The following VPS13C variants were observed in gnomAD, a reference collection of about 807,000 sequenced individuals.
VPS13C encodes intermembrane lipid transfer protein VPS13C.
Under a neutral mutation model 456.8 loss-of-function variants are expected in VPS13C, and 358 were observed. The observed-to-expected ratio is 0.78, with a 90% CI of 0.72 to 0.86. The LOEUF (loss-of-function observed/expected upper bound fraction) is 0.86. Among genes scored for constraint, VPS13C ranks in the 40% least tolerant of loss-of-function variants. The pLI is 0.00. For synonymous variants in VPS13C, 1,578 were observed against 1,486.7 expected, an observed-to-expected ratio of 1.06 and a Z score of -1.41; for missense variants, 4,818 against 4,385.4, an observed-to-expected ratio of 1.10 and a Z score of -2.79.
chr15:61,991,888 C>A, intron 16 of VPS13C, 86 bp from the exon 17 acceptor site: 1 of 1,085,956 alleles, frequency 9.2e-7, no homozygotes, highest in Non-Finnish European at 1.3e-6. Flanking sequence ...AACAATGGTT[C>A]TTTTTTTTTT....
chr15:61,930,234 T>C (rs149032941), intron 50 of VPS13C, among the ~76,000 whole-genome samples: 1 of 152,296 alleles, frequency 6.6e-6, no homozygotes, highest in Non-Finnish European at 1.5e-5. Context: ...CATCAAGTGT[T>C]TATCAAGTGT....
rs1249946170 is a variant in VPS13C, at chr15:62,007,368, A to C, written c.1230T>G (p.Ile410Met). ...KHRQLLKSYK[I>M]AYKNKLTQSK... ...ACTGTGTTAACTTGTTTTTGTAGGC[A>C]ATTTTATAACTCTTGAGTAACTGCC... The change falls in exon 15 of 85, where the codon ATT becomes ATG. Residue 410 changes from isoleucine (I) to methionine (M), a missense_variant. By Grantham distance (10) the Ile-to-Met change is conservative. Around this residue, in one of 3 missense-constraint regions of VPS13C, gnomAD observed 4,552 missense variants for 4,130.6 expected, o/e 1.10. Coordinates refer to ENST00000644861, the MANE Select transcript of VPS13C (RefSeq NM_020821.3). 4.3e-6 allele frequency: 7 copies of C among 1,612,622 alleles called. No individual in the cohort carries two copies. The highest frequency in any genetic ancestry group is 5.9e-6 in the Non-Finnish European group (7 of 1,179,472).
rs116905792 is a variant in VPS13C, at chr15:61,944,331, C to T, written c.5148+1384G>A. 3.4e-3 allele frequency among the ~76,000 whole-genome samples: 522 copies of T among 152,268 alleles called. 2 individuals are homozygous for T. The highest frequency in any genetic ancestry group is 0.017 in the East Asian group (90 of 5,182). On this transcript the variant is annotated intron_variant, in intron 45 of 84. Coordinates refer to ENST00000644861, the MANE Select transcript of VPS13C (RefSeq NM_020821.3). ...AATGGTTCTACCAAAAAGACACACA[C>T]TCACGTGTTCTTCAGAGCACAATTC...
intron 22 of VPS13C, 27 bp downstream of exon 22, chr15:61,981,315 C>G: frequency 2.6e-6 from 4 of 1,567,220 alleles, no homozygotes; most frequent in Non-Finnish European, 3.4e-6. Flanking sequence ...CAAAGATGGG[C>G]AGACAAAAAA....
At chr15:61,952,960 G>A (rs974987102) in intron 38 of VPS13C, among the ~76,000 whole-genome samples, 1 of 151,986 alleles carries the variant, frequency 6.6e-6, no homozygotes, top group East Asian at 1.9e-4. Context: ...CTGAACTCAA[G>A]CGATCCTCCA....
intron 66 of VPS13C, among the ~76,000 whole-genome samples, chr15:61,899,858 C>A (rs1324973761): frequency 6.6e-6 from 1 of 150,692 alleles, no homozygotes; most frequent in African/African-American, 2.5e-5. Context: ...ATGCAAAAAT[C>A]CTGAATAAAA....
chr15:62,003,601 T>C (rs2046717690), intron 15 of VPS13C, among the ~76,000 whole-genome samples: 1 of 152,014 alleles, frequency 6.6e-6, no homozygotes, highest in Non-Finnish European at 1.5e-5. Context: ...TTGTGCCAGT[T>C]TTCAAAGGGA....
intron 38 of VPS13C, 122 bp downstream of exon 38, chr15:61,954,299 C>T: frequency 9.5e-7 from 1 of 1,049,838 alleles, no homozygotes; most frequent in Non-Finnish European, 1.4e-6. Flanking sequence ...ATCACTGCTA[C>T]ATGTGAACAG....
chr15:61,954,593 A>G (rs778929319), intron 37 of VPS13C, 39 bp from the exon 38 acceptor site: 1 of 1,549,126 alleles, frequency 6.5e-7, no homozygotes, highest in Non-Finnish European at 8.7e-7. Context: ...TTTATTCACA[A>G]ATTTCTTCCA....
rs2045879805 is a variant in VPS13C, at chr15:61,981,334, A to G, written c.2166+8T>C. The G allele has an allele frequency of 6.2e-7, 1 of 1,603,856 alleles. No individual in the cohort carries two copies. Among genetic ancestry groups the G allele is most frequent in the East Asian group, 2.2e-5 (1 of 44,566 alleles). On this transcript the variant is annotated splice_region_variant and intron_variant, in intron 22 of 84. Transcript: ENST00000644861. ...GATGGGCAGACAAAAAAACGCATAT[A>G]TACCTACCTGAAATGTACCAAAATC...
intron 53 of VPS13C, among the ~76,000 whole-genome samples, chr15:61,923,863 T>A (rs1259410436): frequency 1.1e-5 from 1 of 92,518 alleles, no homozygotes; most frequent in Non-Finnish European, 2.1e-5. Context: ...CTCTAAATCT[T>A]TTTTTTTTTT....
chr15:61,994,594 C>CTTTT lies in VPS13C; in HGVS notation c.1354-2796_1354-2793dup, dbSNP rs61199977. ...ACAGAATGGAATACTATTCAGCTAT[C>CTTTT]TTTTTTTTTTTTTGAGATGGATTCT... On this transcript the variant is annotated intron_variant, in intron 16 of 84. Coordinates refer to ENST00000644861, the MANE Select transcript of VPS13C (RefSeq NM_020821.3). Among the ~76,000 whole-genome samples the CTTTT allele has an allele frequency of 1.7e-3, 252 of 145,340 alleles. 3 individuals are homozygous for CTTTT. The highest frequency in any genetic ancestry group is 6.2e-3 in the African/African-American group (247 of 39,786).
Position 61,898,911 on chromosome 15 carries a change from C to T in VPS13C, c.9105+8353G>A, listed in dbSNP as rs887648423. ...AAATTATAGCAAACTATCTCTCAGA[C>T]CACAGTGCAATCAAACTAGAACTCA... is the stretch of plus-strand genomic sequence containing the variant. On this transcript the variant is annotated intron_variant, in intron 66 of 84. Coordinates refer to ENST00000644861, the MANE Select transcript of VPS13C (RefSeq NM_020821.3). Among the ~76,000 whole-genome samples the T allele has an allele frequency of 3.0e-4, 30 of 101,622 alleles. 4 individuals are homozygous for T. Among genetic ancestry groups the T allele is most frequent in the East Asian group, 1.5e-3 (6 of 3,964 alleles). 66.7% of individuals were successfully genotyped at this position (101,622 alleles called of 152,430 possible).
At chr15:61,911,694 A>T in intron 63 of VPS13C, 146 bp downstream of exon 63, 1 of 820,820 alleles carries the variant, frequency 1.2e-6, no homozygotes, top group Non-Finnish European at 1.7e-6. Flanking sequence ...TTAAAAATAT[A>T]GTAAGAGAAA....
chr15:62,038,929 T>C (rs2048151957), intron 3 of VPS13C, among the ~76,000 whole-genome samples: 1 of 152,168 alleles, frequency 6.6e-6, no homozygotes, highest in South Asian at 2.1e-4. Flanking sequence ...AGAATGGCTA[T>C]TATTAAAAAG....
At chr15:62,001,467 G>A (rs962036037) in intron 15 of VPS13C, among the ~76,000 whole-genome samples, 1 of 152,114 alleles carries the variant, frequency 6.6e-6, no homozygotes, top group Non-Finnish European at 1.5e-5. Context: ...TATGTATCCA[G>A]TGTGTTTCTA....
chr15:62,032,129 T>C (rs545729422), intron 5 of VPS13C, among the ~76,000 whole-genome samples: 2 of 151,946 alleles, frequency 1.3e-5, no homozygotes, highest in East Asian at 3.9e-4. Context: ...ATGATGAATA[T>C]ACATATGTTA....
chr15:61,939,925 T>C (rs1396614628), intron 47 of VPS13C, among the ~76,000 whole-genome samples: 3 of 149,242 alleles, frequency 2.0e-5, no homozygotes, highest in Non-Finnish European at 3.0e-5. Context: ...ACCCAGCTAG[T>C]GGAGGTCACA....
At chr15:61,868,426 C>T (rs575666696) in intron 81 of VPS13C, among the ~76,000 whole-genome samples, 88 of 151,954 alleles carry the variant, frequency 5.8e-4, no homozygotes, top group Non-Finnish European at 7.5e-4. Context: ...TATGACTTAA[C>T]ATTATCTTTT....
Sources: gnomAD v4.1 joint callset for allele counts (sites outside exome capture counted in the v4.1 genomes callset) on GRCh38, gnomAD v4.1.1 for gene constraint, gnomAD v4.1.1 regional missense constraint, MANE v1.5 for transcripts, NCBI Gene and HGNC (gene_info 2026-07-23, HGNC 2026-07-21) for gene names.